The following BANF2 variants were observed in gnomAD, a reference collection of about 807,000 sequenced individuals.
The protein encoded by BANF2 is barrier-to-autointegration factor-like protein.
BANF2 carries 4 observed loss-of-function variants against 8.0 expected under a neutral mutation model. The ratio of observed to expected loss-of-function variants is 0.50; its 90% confidence interval spans 0.25 to 1.14. The LOEUF is 1.14. BANF2 is among the 50% of genes most tolerant of loss of function. The pLI, the probability that BANF2 is intolerant of heterozygous loss-of-function variation, is 0.16. For missense variants in BANF2, 96 were observed against 107.5 expected (o/e 0.89, Z 0.47); for synonymous variants, 50 against 40.6 (o/e 1.23, Z -0.88).
chr20:17,704,119 C>A (rs2037448641), intron 1 of BANF2, among the ~76,000 whole-genome samples: 1 of 152,226 alleles, frequency 6.6e-6, no homozygotes, highest in African/African-American at 2.4e-5. Flanking sequence ...ACCGGGCTAA[C>A]TAAGCCATAG....
intron 1 of BANF2, among the ~76,000 whole-genome samples, chr20:17,720,420 T>C (rs940663780): frequency 2.0e-5 from 3 of 152,254 alleles, no homozygotes; most frequent in Non-Finnish European, 4.4e-5. Flanking sequence ...CAGGATATTC[T>C]AAGACATGCT....
At chr20:17,708,367 G>T (rs543078070) in intron 1 of BANF2, among the ~76,000 whole-genome samples, 61 of 152,290 alleles carry the variant, frequency 4.0e-4, no homozygotes, top group Admixed American at 6.5e-4. Flanking sequence ...ACCGTGGCAT[G>T]GCTTTGTTTT....
At chr20:17,696,150 C>A (rs1056912031), upstream of BANF2, among the ~76,000 whole-genome samples, 1 of 152,090 alleles carries the variant, frequency 6.6e-6, no homozygotes, top group Non-Finnish European at 1.5e-5. Flanking sequence ...CTGCACAAAT[C>A]TTTTTATGGA....
chr20:17,721,592 A>G (rs892154127), intron 1 of BANF2, among the ~76,000 whole-genome samples: 3 of 151,974 alleles, frequency 2.0e-5, no homozygotes, highest in African/African-American at 7.3e-5. Flanking sequence ...GGGTTTCACC[A>G]TGTTGGCCAG....
rs370767775 is a variant in BANF2 at position 17,735,724 on chromosome 20, G to A, written c.186G>A (p.Arg62=). 40 of 1,613,702 alleles carry A rather than the reference G, an allele frequency of 2.5e-5. No individual in the cohort carries two copies. The highest frequency in any genetic ancestry group is 3.0e-5 in the Non-Finnish European group (35 of 1,179,748). ...ACAAGAATGAAGCCGAGTTTCAGAG[G>A]TGGCTCATTTGCTGTTTTGGTGCCA... ...LMHKNEAEFQ[R]WLICCFGATE... The change falls in exon 4 of 4, where the codon AGG becomes AGA. Residue 62 remains arginine (R), a synonymous_variant. Transcript: ENST00000246090.
intron 2 of BANF2, among the ~76,000 whole-genome samples, chr20:17,724,395 T>C (rs951449544): frequency 3.3e-5 from 5 of 152,016 alleles, no homozygotes; most frequent in Admixed American, 1.3e-4. Context: ...TGAGGTGGAG[T>C]TGGTGAGGCC....
intron 3 of BANF2, among the ~76,000 whole-genome samples, chr20:17,726,621 A>C (rs6105800): frequency 0.029 from 4,471 of 152,310 alleles, 183 homozygotes; most frequent in African/African-American, 0.088. Context: ...ATGTACACCT[A>C]TGTACCCACT....
chr20:17,713,621 G>T (rs978043138), intron 1 of BANF2, among the ~76,000 whole-genome samples: 6 of 152,020 alleles, frequency 3.9e-5, no homozygotes, highest in Non-Finnish European at 8.8e-5. Flanking sequence ...ATTGCTTGAG[G>T]CCAGGAGTTT....
At chr20:17,733,038 G>C (rs939151952) in intron 3 of BANF2, among the ~76,000 whole-genome samples, 5 of 152,194 alleles carry the variant, frequency 3.3e-5, no homozygotes, top group African/African-American at 1.2e-4. Flanking sequence ...TGAGGAGGGA[G>C]TGTCAGGTTG....
chr20:17,722,427 A>G (rs1337894017), intron 1 of BANF2, among the ~76,000 whole-genome samples: 1 of 152,230 alleles, frequency 6.6e-6, no homozygotes, highest in African/African-American at 2.4e-5. Context: ...TGAGACTTTC[A>G]GGCTTTTCCT....
At chr20:17,698,913 A>AAT (rs2037374805), upstream of BANF2, among the ~76,000 whole-genome samples, 1 of 152,230 alleles carries the variant, frequency 6.6e-6, no homozygotes, top group African/African-American at 2.4e-5. Flanking sequence ...ATCAGCTGGC[A>AAT]ATACTATTTC....
intron 1 of BANF2, among the ~76,000 whole-genome samples, chr20:17,706,137 G>A (rs1405282691): frequency 2.6e-5 from 4 of 152,226 alleles, no homozygotes; most frequent in Admixed American, 6.5e-5. Context: ...GGCCAAATCC[G>A]GAGAGTCAGC....
chr20:17,732,950 G>A (rs2037922058), intron 3 of BANF2, among the ~76,000 whole-genome samples: 1 of 152,194 alleles, frequency 6.6e-6, no homozygotes, highest in African/African-American at 2.4e-5. Flanking sequence ...GGAGCAGGGT[G>A]AAGTGCTCAG....
chr20:17,727,578 A>T (rs1421401388), intron 3 of BANF2, among the ~76,000 whole-genome samples: 1 of 151,650 alleles, frequency 6.6e-6, no homozygotes, highest in Admixed American at 6.6e-5. Context: ...CCAGGAGGAG[A>T]CCCAGATGCG....
intron 1 of BANF2, among the ~76,000 whole-genome samples, chr20:17,710,244 G>A (rs1214674061): frequency 6.6e-6 from 1 of 152,208 alleles, no homozygotes; most frequent in African/African-American, 2.4e-5. Context: ...GACATGGGCA[G>A]GGCAGGGACA....
intron 1 of BANF2, among the ~76,000 whole-genome samples, chr20:17,707,533 GA>G (rs2122581984): frequency 6.6e-6 from 1 of 152,208 alleles, no homozygotes; most frequent in South Asian, 2.1e-4. Flanking sequence ...ATGTCCCAGG[GA>G]AACCATGTCC....
intron 3 of BANF2, among the ~76,000 whole-genome samples, chr20:17,727,310 C>G (rs1413596279): frequency 1.3e-5 from 2 of 152,138 alleles, no homozygotes; most frequent in South Asian, 2.1e-4. Context: ...CACCTGTATC[C>G]TTCGCTTTGA....
chr20:17,723,128 G>A (rs1343906469), intron 2 of BANF2, among the ~76,000 whole-genome samples: 44 of 152,180 alleles, frequency 2.9e-4, no homozygotes, highest in Admixed American at 2.9e-3. Context: ...CTATCCCCAG[G>A]AACAGGATAA....
chr20:17,717,626 C>A (rs534052765), intron 1 of BANF2, among the ~76,000 whole-genome samples: 7 of 152,068 alleles, frequency 4.6e-5, no homozygotes, highest in Non-Finnish European at 8.8e-5. Context: ...TTTACAAATT[C>A]TTTTTATCAT....
Sources: allele counts gnomAD v4.1 joint callset (sites outside exome capture counted in the v4.1 genomes callset), GRCh38; gene constraint gnomAD v4.1.1; transcripts MANE v1.5; gene names NCBI Gene and HGNC (gene_info 2026-07-23, HGNC 2026-07-21).